Variants in NUP210L observed in about 807,000 individuals in gnomAD.
The protein encoded by NUP210L is nuclear pore membrane glycoprotein 210-like.
Under a neutral mutation model 208.5 loss-of-function variants are expected in NUP210L, and 74 were observed. The observed-to-expected ratio is 0.35, with a 90% confidence interval of 0.29 to 0.43. The LOEUF is 0.43. Among genes scored for constraint, NUP210L ranks in the 20% least tolerant of loss-of-function variants. The pLI is 1.00. For synonymous variants in NUP210L, 780 were observed against 816.9 expected (o/e 0.95, Z 0.77); for missense variants, 1,843 against 2,289.4 (o/e 0.81, Z 3.98).
intron 33 of NUP210L, among the ~76,000 whole-genome samples, 177 bp from the exon 34 acceptor site, chr1:154,012,547 CT>C (rs34122117): frequency 0.023 from 3,354 of 145,998 alleles, 111 homozygotes; most frequent in African/African-American, 0.072. Flanking sequence ...GACAAAATAA[CT>C]TTTTTTTTTT....
At chr1:154,129,439 A>G in intron 7 of NUP210L, 94 bp from the exon 8 acceptor site, 2 of 794,084 alleles carry the variant, frequency 2.5e-6, no homozygotes, top group Non-Finnish European at 4.3e-6. Context: ...AAATGCACAA[A>G]TGAAAACAAA....
intron 25 of NUP210L, among the ~76,000 whole-genome samples, chr1:154,049,597 A>C (rs1222021138): frequency 5.3e-5 from 8 of 152,218 alleles, no homozygotes. Context: ...TTACTGAACA[A>C]TTAGAAAAAG....
rs1227860981 is a variant in NUP210L at position 154,100,054 on chromosome 1, C to G, written c.1909G>C (p.Glu637Gln). ...CTGCTCTCCAAGTACTTGTCACATT[C>G]ATTCACACTTACTGTTACCAGAGTA... is the stretch of plus-strand genomic sequence containing the variant. Residue 637 changes from glutamate (E) to glutamine (Q), a missense_variant, in exon 14 of 40, where the codon GAA becomes CAA. Physicochemically the swap from Glu to Gln is conservative, Grantham distance 29 (BLOSUM62 2). This residue lies in a region of NUP210L where 408 missense variants were observed against 600.8 expected (regional missense o/e 0.68). Coordinates refer to ENST00000368559, the Ensembl canonical transcript of NUP210L. 2.5e-6 allele frequency: 4 copies of G among 1,613,892 alleles called. No homozygotes were observed. The African/African-American group carries it at 5.3e-5, about 22-fold the overall frequency.
rs1657974101 is a variant in NUP210L at position 154,126,303 on chromosome 1, A to G, written c.1326+20T>C. The G allele has an allele frequency of 3.1e-6, 5 of 1,604,978 alleles. No homozygotes were observed. The highest frequency in any genetic ancestry group is 1.3e-5 in the African/African-American group (1 of 74,750). On this transcript the variant is annotated intron_variant, in intron 10 of 39. Coordinates refer to ENST00000368559, the Ensembl canonical transcript of NUP210L. Reference sequence around the variant, plus strand: ...TCTTCAGTGTTCTTAGAATACAAACACTGTCTGTTTAATTCCTACCTGGTA... The same window carrying G: ...TCTTCAGTGTTCTTAGAATACAAACGCTGTCTGTTTAATTCCTACCTGGTA...
At chr1:154,101,778 G>T (rs1166477990) in intron 13 of NUP210L, among the ~76,000 whole-genome samples, 3 of 152,102 alleles carry the variant, frequency 2.0e-5, no homozygotes, top group Non-Finnish European at 4.4e-5. Flanking sequence ...AGTATCTTAG[G>T]CTGAGAAAAC....
At chr1:154,123,175 C>T (rs775792044) in intron 10 of NUP210L, among the ~76,000 whole-genome samples, 3 of 152,064 alleles carry the variant, frequency 2.0e-5, no homozygotes, top group African/African-American at 4.8e-5. Flanking sequence ...GACGGAGTTT[C>T]GCTCTTGTTG....
At chr1:154,062,107 C>T (rs1329875300) in intron 17 of NUP210L, among the ~76,000 whole-genome samples, 3 of 151,978 alleles carry the variant, frequency 2.0e-5, no homozygotes, top group African/African-American at 4.8e-5. Context: ...ATTACAGACA[C>T]GAGCCACCAC....
At chr1:154,054,860 A>C (rs760155256) in intron 23 of NUP210L, 28 bp from the exon 24 acceptor site, 7 of 1,513,318 alleles carry the variant, frequency 4.6e-6, no homozygotes, top group Non-Finnish European at 5.5e-6. Context: ...AAAGGACAAC[A>C]GTAACTAACT....
At chr1:154,055,996 T>C (rs886546075) in intron 23 of NUP210L, among the ~76,000 whole-genome samples, 1 of 151,956 alleles carries the variant, frequency 6.6e-6, no homozygotes, top group Non-Finnish European at 1.5e-5. Context: ...AAGGCAGAGG[T>C]TGCACTGAGC....
At chr1:154,002,802 T>A (rs1275291169) in intron 35 of NUP210L, among the ~76,000 whole-genome samples, 1 of 151,890 alleles carries the variant, frequency 6.6e-6, no homozygotes, top group Non-Finnish European at 1.5e-5. Flanking sequence ...CAGGGAATAT[T>A]AAATGATATA....
chr1:153,995,828 G>C (rs929667786), intron 37 of NUP210L: 13 of 620,860 alleles, frequency 2.1e-5, no homozygotes, highest in Non-Finnish European at 3.7e-5. Context: ...GTTCTTACGA[G>C]ATTGTCCAAA....
intron 17 of NUP210L, among the ~76,000 whole-genome samples, chr1:154,065,442 T>A (rs1654355139): frequency 6.6e-6 from 1 of 152,142 alleles, no homozygotes; most frequent in South Asian, 2.1e-4. Flanking sequence ...AAATATATTT[T>A]AAAAATGATT....
chr1:154,074,988 G>C (rs1654961523), intron 16 of NUP210L, among the ~76,000 whole-genome samples: 1 of 152,092 alleles, frequency 6.6e-6, no homozygotes, highest in South Asian at 2.1e-4. Flanking sequence ...CTACAATTTG[G>C]AGAGTAGGGG....
rs113024320 is a variant in NUP210L, at chr1:154,030,613, G to A, written c.3697-559C>T. Among the ~76,000 whole-genome samples the A allele has an allele frequency of 2.8e-3, 432 of 152,050 alleles. 2 individuals are homozygous for A. Among genetic ancestry groups the A allele is most frequent in the Middle Eastern group, 0.014 (4 of 294 alleles). On this transcript the variant is annotated intron_variant, in intron 27 of 39. Transcript: ENST00000368559. ...TTTTATTTTTAATCTTTGTGGCTAC[G>A]TTGTAGGTATACATATTTATGGGGT...
At chr1:154,087,847 G>A (rs1218073361) in intron 16 of NUP210L, among the ~76,000 whole-genome samples, 2 of 152,116 alleles carry the variant, frequency 1.3e-5, no homozygotes, top group Non-Finnish European at 2.9e-5. Flanking sequence ...ACACATAATT[G>A]TATTATTCCA....
At position 154,027,601 on chromosome 1, in the gene NUP210L, T is replaced by G; in HGVS notation, c.3856-4A>C. Reference sequence around the variant, plus strand: ...AGAGTTGGAGTTTTTCAAACACCTATAATGAGAAAATGTTTTCCTCATTTT... The same window carrying G: ...AGAGTTGGAGTTTTTCAAACACCTAGAATGAGAAAATGTTTTCCTCATTTT... On this transcript the variant is annotated splice_polypyrimidine_tract_variant and splice_region_variant and intron_variant, in intron 28 of 39. Transcript: ENST00000368559. 6.2e-7 allele frequency: 1 copy of G among 1,601,362 alleles called. No homozygotes were observed. The highest frequency in any genetic ancestry group is 8.5e-7 in the Non-Finnish European group (1 of 1,169,752).
At chr1:154,137,673 C>A (rs1215364718) in intron 6 of NUP210L, among the ~76,000 whole-genome samples, 1 of 152,026 alleles carries the variant, frequency 6.6e-6, no homozygotes, top group Non-Finnish European at 1.5e-5. Flanking sequence ...CATGATCATG[C>A]CACTGTACTA....
chr1:154,030,950 G>A (rs115338023), intron 27 of NUP210L, among the ~76,000 whole-genome samples: 3,436 of 152,152 alleles, frequency 0.023, 144 homozygotes, highest in African/African-American at 0.078. Flanking sequence ...GTCTCCCTAC[G>A]TTGCCCAGGC....
chr1:154,042,053 G>A (rs1652911448), intron 27 of NUP210L, among the ~76,000 whole-genome samples: 1 of 151,862 alleles, frequency 6.6e-6, no homozygotes, highest in South Asian at 2.1e-4. Context: ...TTTCCACAGT[G>A]TAGGAAATCT....
Sources: allele counts gnomAD v4.1 joint callset (sites outside exome capture counted in the v4.1 genomes callset), GRCh38; gene constraint gnomAD v4.1.1; regional missense constraint gnomAD v4.1.1; transcripts MANE v1.5; gene names NCBI Gene and HGNC (gene_info 2026-07-23, HGNC 2026-07-21).